Variants in RBFOX1 observed in about 807,000 individuals in gnomAD.
RBFOX1 encodes RNA binding fox-1 homolog 1, also known as RNA binding protein fox-1 homolog 1.
Under a neutral mutation model 57.7 loss-of-function variants are expected in RBFOX1, and 8 were observed. The ratio of observed to expected loss-of-function variants is 0.14; its 90% CI spans 0.08 to 0.25. The LOEUF (loss-of-function observed/expected upper bound fraction) is 0.25. Among genes scored for constraint, RBFOX1 ranks in the 10% least tolerant of loss-of-function variants. The pLI, the probability that RBFOX1 is intolerant of heterozygous loss-of-function variation, is 1.00. For synonymous variants in RBFOX1, 326 were observed against 222.4 expected (o/e 1.47, Z -4.15); for missense variants, 611 against 548.5 (o/e 1.11, Z -1.14).
chr16:7,317,098 A>G (rs1258066313), intron 4 of RBFOX1, among the ~76,000 whole-genome samples: 1 of 152,040 alleles, frequency 6.6e-6, no homozygotes, highest in Non-Finnish European at 1.5e-5. Flanking sequence ...GACAAGATAG[A>G]AAGCTGAGGA....
chr16:6,376,167 TGACTGTTCTCTCTTTCCCCTA>T (rs1449472312), intron 2 of RBFOX1, among the ~76,000 whole-genome samples: 1 of 152,208 alleles, frequency 6.6e-6, no homozygotes, highest in Non-Finnish European at 1.5e-5. Flanking sequence ...TGTGATTCTT[TGACTGTTCTCTCTTTCCCCTA>T]GACTCCAGGA....
At chr16:6,698,194 G>C (rs34741280) in intron 3 of RBFOX1, among the ~76,000 whole-genome samples, 1 of 151,896 alleles carries the variant, frequency 6.6e-6, no homozygotes, top group Non-Finnish European at 1.5e-5. Context: ...ACTTTCCCTC[G>C]TGCTCCAATT....
chr16:6,832,583 C>T (rs1469559104), intron 3 of RBFOX1, among the ~76,000 whole-genome samples: 1 of 152,138 alleles, frequency 6.6e-6, no homozygotes, highest in Non-Finnish European at 1.5e-5. Context: ...TTGCAGCAGC[C>T]GCAGACGGAA....
intron 4 of RBFOX1, among the ~76,000 whole-genome samples, chr16:7,260,710 C>T (rs968616960): frequency 6.6e-6 from 1 of 152,108 alleles, no homozygotes; most frequent in Non-Finnish European, 1.5e-5. Context: ...ATTTTCCACT[C>T]AATCCTGAAG....
At chr16:6,503,945 A>G (rs968026332) in intron 2 of RBFOX1, among the ~76,000 whole-genome samples, 3 of 152,146 alleles carry the variant, frequency 2.0e-5, no homozygotes, top group African/African-American at 7.2e-5. Flanking sequence ...TCATCCCTAA[A>G]TCATCTTTGG....
At chr16:6,085,296 C>T (rs746898611) in intron 1 of RBFOX1, among the ~76,000 whole-genome samples, 3 of 152,092 alleles carry the variant, frequency 2.0e-5, no homozygotes, top group Non-Finnish European at 4.4e-5. Flanking sequence ...TTTTGAGACG[C>T]GGTTTCGCTC....
intron 3 of RBFOX1, among the ~76,000 whole-genome samples, chr16:6,854,351 AGGAAAGG>A (rs2057400401): frequency 6.6e-6 from 1 of 152,076 alleles, no homozygotes; most frequent in Admixed American, 6.5e-5. Flanking sequence ...ACCTATGAAG[AGGAAAGG>A]GCTTAAGGGG....
chr16:7,159,527 C>T (rs891257657), intron 4 of RBFOX1, among the ~76,000 whole-genome samples: 1 of 152,186 alleles, frequency 6.6e-6, no homozygotes, highest in East Asian at 1.9e-4. Context: ...TGCGCTAGGA[C>T]TATAGCTTCC....
chr16:6,772,260 A>C (rs1361236166), intron 3 of RBFOX1, among the ~76,000 whole-genome samples: 1 of 152,172 alleles, frequency 6.6e-6, no homozygotes, highest in East Asian at 1.9e-4. Context: ...ATACAACTGC[A>C]GGTCAGGCCA....
intron 3 of RBFOX1, among the ~76,000 whole-genome samples, chr16:5,636,712 G>C (rs1341984793): frequency 1.3e-5 from 2 of 152,196 alleles, no homozygotes; most frequent in Non-Finnish European, 2.9e-5. Context: ...GGGCCATCTA[G>C]GGAACTCCGG....
chr16:7,222,661 T>C (rs1446591127), intron 4 of RBFOX1, among the ~76,000 whole-genome samples: 1 of 152,198 alleles, frequency 6.6e-6, no homozygotes, highest in Non-Finnish European at 1.5e-5. Context: ...CCCTTACCTC[T>C]TTGTTCCTTA....
At chr16:6,270,635 G>A (rs1347168104) in intron 1 of RBFOX1, among the ~76,000 whole-genome samples, 1 of 152,098 alleles carries the variant, frequency 6.6e-6, no homozygotes, top group African/African-American at 2.4e-5. Context: ...CACAATTATA[G>A]TCAGAGGCTA....
intron 4 of RBFOX1, among the ~76,000 whole-genome samples, chr16:7,123,325 G>T (rs9924468): frequency 2.0e-5 from 3 of 151,890 alleles, no homozygotes; most frequent in Admixed American, 6.6e-5. Context: ...ATTTGTGGAT[G>T]GAATAAATGA....
At chr16:5,706,691 C>T (rs188025815) in intron 3 of RBFOX1, among the ~76,000 whole-genome samples, 1 of 152,240 alleles carries the variant, frequency 6.6e-6, no homozygotes, top group Admixed American at 6.5e-5. Context: ...TTTCCTAAAG[C>T]ACTGGTTGCC....
intron 4 of RBFOX1, among the ~76,000 whole-genome samples, chr16:5,969,213 G>C (rs1226720919): frequency 1.4e-5 from 2 of 144,902 alleles, no homozygotes; most frequent in Non-Finnish European, 3.0e-5. Context: ...GCATGCTTTT[G>C]TTATCTGTAG....
chr16:6,928,381 C>A (rs540601775), intron 3 of RBFOX1, among the ~76,000 whole-genome samples: 2 of 152,176 alleles, frequency 1.3e-5, no homozygotes, highest in South Asian at 2.1e-4. Flanking sequence ...CTGGAGCCAA[C>A]AAAGGGCCCT....
rs561898983 is a variant in RBFOX1 at position 5,540,499 on chromosome 16, A to G, written c.259-58403A>G. On this transcript the variant is annotated intron_variant, in intron 2 of 2. Coordinates refer to the RBFOX1 transcript ENST00000585867. ...TTTGGGGAATATTACACATTTTTCT[A>G]TGGTGAAATTTAGTCGAATTTGAAA... Among the ~76,000 whole-genome samples the G allele has an allele frequency of 8.0e-4, 122 of 152,308 alleles. 2 individuals are homozygous for G. In the South Asian group the frequency reaches 0.023, roughly 28 times the overall value.
At chr16:6,410,019 C>G (rs189002966) in intron 2 of RBFOX1, among the ~76,000 whole-genome samples, 1 of 152,218 alleles carries the variant, frequency 6.6e-6, no homozygotes, top group Non-Finnish European at 1.5e-5. Context: ...TTGTCCTCTA[C>G]GAGGCAAAGG....
At chr16:6,991,954 C>A (rs1457707442) in intron 3 of RBFOX1, among the ~76,000 whole-genome samples, 1 of 152,092 alleles carries the variant, frequency 6.6e-6, no homozygotes, top group East Asian at 1.9e-4. Context: ...TGGGGGTGTC[C>A]CAGATCCTGT....
Sources: allele counts gnomAD v4.1 joint callset (sites outside exome capture counted in the v4.1 genomes callset), GRCh38; gene constraint gnomAD v4.1.1; transcripts MANE v1.5; gene names NCBI Gene and HGNC (gene_info 2026-07-23, HGNC 2026-07-21).